The following CORO2B variants were observed in gnomAD, a reference collection of about 807,000 sequenced individuals.
The protein encoded by CORO2B is coronin 2B, also known as coronin-2B.
A neutral mutation model predicts 58.8 loss-of-function variants in CORO2B; 26 were observed. The ratio of observed to expected loss-of-function variants is 0.44; its 90% CI spans 0.32 to 0.61. The LOEUF (loss-of-function observed/expected upper bound fraction) is 0.61, where lower values mean the gene tolerates loss of function less well. Ranked by LOEUF, CORO2B falls within the 20% of genes least tolerant of loss-of-function variation. The probability of loss-of-function intolerance (pLI) is 0.04; values close to 1 mark genes in which losing one functional copy is unlikely to be tolerated. For missense variants in CORO2B, 460 were observed against 645.1 expected, an observed-to-expected ratio of 0.71 and a Z score of 3.11; for synonymous variants, 242 against 253.8, an observed-to-expected ratio of 0.95 and a Z score of 0.44.
chr15:68,614,758 C>T (rs1466594529), intron 1 of CORO2B, among the ~76,000 whole-genome samples: 2 of 152,192 alleles, frequency 1.3e-5, no homozygotes, highest in African/African-American at 4.8e-5. Flanking sequence ...GGTTCCAGGG[C>T]TGCAGCGGGC....
At chr15:68,578,390 G>C (rs1899328568), upstream of CORO2B, among the ~76,000 whole-genome samples, 1 of 152,212 alleles carries the variant, frequency 6.6e-6, no homozygotes, top group Non-Finnish European at 1.5e-5. This position sits in a 1 kb window ranked among gnomAD's most constrained non-coding sequence, Gnocchi z 4.2. Flanking sequence ...CTGATCGTCA[G>C]TTTCCTCCTC....
intron 1 of CORO2B, among the ~76,000 whole-genome samples, chr15:68,599,185 C>G: frequency 6.6e-6 from 1 of 152,208 alleles, no homozygotes; most frequent in African/African-American, 2.4e-5. Flanking sequence ...TTCCTGCTTT[C>G]AAAGCCCAAA....
At chr15:68,549,615 G>T in the CORO2B span, among the ~76,000 whole-genome samples, 3 of 152,170 alleles carry the variant, frequency 2.0e-5, no homozygotes, top group Non-Finnish European at 2.9e-5. Context: ...TGGAAGCTGG[G>T]TCACTACATT....
chr15:68,573,484 G>A, the CORO2B span, among the ~76,000 whole-genome samples: 1 of 152,158 alleles, frequency 6.6e-6, no homozygotes, highest in East Asian at 1.9e-4. Flanking sequence ...AGGCCAGAGA[G>A]CAGGGAAGGG....
intron 1 of CORO2B, among the ~76,000 whole-genome samples, chr15:68,602,783 G>A (rs1478007054): frequency 6.6e-6 from 1 of 152,212 alleles, no homozygotes; most frequent in Admixed American, 6.5e-5. Context: ...CTTTCTTCCT[G>A]AGAACACTAA....
Position 68,612,666 on chromosome 15 carries a change from C to G in CORO2B, c.16-32494C>G, listed in dbSNP as rs76423893. 1.6e-4 allele frequency among the ~76,000 whole-genome samples: 24 copies of G among 152,344 alleles called. 1 individual carries two copies. The highest frequency in any genetic ancestry group is 5.8e-4 in the African/African-American group (24 of 41,588). The stretch of plus-strand genomic sequence containing the variant: ...AGGCAATCTGAGTTCACACCTTGGT[C>G]TGCTGATGATAACTTGCTCTCTAAC... On this transcript the variant is annotated intron_variant, in intron 1 of 11. Transcript: ENST00000261861.
chr15:68,562,775 A>G, the CORO2B span, among the ~76,000 whole-genome samples: 11 of 151,588 alleles, frequency 7.3e-5, no homozygotes, highest in South Asian at 2.3e-3. Context: ...AGGAGATCGA[A>G]ACCATCCTGG....
rs1892465727 is a variant in CORO2B at position 68,694,602 on chromosome 15, CAG to C, written c.217-534_217-533del. 2.6e-5 allele frequency among the ~76,000 whole-genome samples: 4 copies of C among 152,170 alleles called. No homozygotes were observed. In the South Asian group the frequency reaches 8.3e-4, roughly 32 times the overall value. On this transcript the variant is annotated intron_variant, in intron 2 of 11. Coordinates refer to ENST00000261861, the MANE Select transcript of CORO2B (RefSeq NM_006091.5). Reference sequence around the variant, plus strand: ...TCGTGTAAGAGTATATAGGTGGACCCAGAGATTCAGACCTCTCTGCTGACTCC... The same window carrying C: ...TCGTGTAAGAGTATATAGGTGGACCCAGATTCAGACCTCTCTGCTGACTCC...
the CORO2B span, among the ~76,000 whole-genome samples, chr15:68,548,168 C>CT: frequency 9.2e-6 from 1 of 108,848 alleles, no homozygotes; most frequent in Non-Finnish European, 1.9e-5. Flanking sequence ...AGGATTCCAT[C>CT]TTAAAAATAT....
chr15:68,623,672 C>T (rs1056616915), intron 1 of CORO2B, among the ~76,000 whole-genome samples: 1 of 152,200 alleles, frequency 6.6e-6, no homozygotes, highest in African/African-American at 2.4e-5. Context: ...GTCTCCATCC[C>T]AGCATCCAGG....
rs1006861316 is a variant in CORO2B, at chr15:68,626,535, A to G, written c.16-18625A>G. ...CCCTTTGAGGACAAGTGATGTGGAC[A>G]GAAGGGAGAAGCCAGGGGCTTGGCT... On this transcript the variant is annotated intron_variant, in intron 1 of 11. Transcript: ENST00000261861. Among the ~76,000 whole-genome samples the G allele has an allele frequency of 7.9e-5, 12 of 152,326 alleles. No homozygotes were observed. The East Asian group carries it at 2.1e-3, about 27-fold the overall frequency.
At chr15:68,599,040 G>T (rs889688173) in intron 1 of CORO2B, among the ~76,000 whole-genome samples, 7 of 152,174 alleles carry the variant, frequency 4.6e-5, no homozygotes, top group African/African-American at 1.7e-4. Flanking sequence ...CAAACCACTT[G>T]GCTGGGCATT....
intron 2 of CORO2B, among the ~76,000 whole-genome samples, chr15:68,683,344 G>A (rs1033807541): frequency 2.0e-5 from 3 of 152,178 alleles, no homozygotes; most frequent in Non-Finnish European, 2.9e-5. Flanking sequence ...CAGACCCCGC[G>A]TCCCCAGCAC....
chr15:68,654,882 G>T (rs1901754890), intron 2 of CORO2B, among the ~76,000 whole-genome samples: 1 of 152,226 alleles, frequency 6.6e-6, no homozygotes, highest in South Asian at 2.1e-4. Flanking sequence ...TGCTACTGTT[G>T]TCTGGCACAG....
intron 11 of CORO2B, among the ~76,000 whole-genome samples, chr15:68,723,145 A>G (rs1424300999): frequency 2.2e-5 from 3 of 133,800 alleles, no homozygotes; most frequent in Non-Finnish European, 4.7e-5. Flanking sequence ...TTTTTTAGAC[A>G]GAGTCTTGCT....
At chr15:68,524,284 A>G in the CORO2B span, among the ~76,000 whole-genome samples, 10 of 152,218 alleles carry the variant, frequency 6.6e-5, no homozygotes, top group Admixed American at 6.5e-4. Context: ...TTGGTCTGAC[A>G]CAAGTTACTT....
At chr15:68,575,577 G>GCCCCGCCC (rs1555409338), upstream of CORO2B, among the ~76,000 whole-genome samples, 2 of 38,752 alleles carry the variant, frequency 5.2e-5, no homozygotes, top group Non-Finnish European at 1.1e-4. Flanking sequence ...CTTGTGATCT[G>GCCCCGCCC]CCCCCGCCTC....
At chr15:68,711,748 A>G in intron 5 of CORO2B, 42 bp downstream of exon 5, 4 of 1,610,612 alleles carry the variant, frequency 2.5e-6, no homozygotes, top group Non-Finnish European at 3.4e-6. Flanking sequence ...GAAGGTATTG[A>G]GGGCTGGGGC....
Position 68,718,681 on chromosome 15 carries a change from A to G in CORO2B, c.968-17A>G. On this transcript the variant is annotated splice_polypyrimidine_tract_variant and intron_variant, in intron 8 of 11. Coordinates refer to ENST00000261861, the MANE Select transcript of CORO2B (RefSeq NM_006091.5). The stretch of plus-strand genomic sequence containing the variant: ...AGTTTCTGGGACCCCATGGAGCCAC[A>G]TGTGTGCCTGTTACAGGGGTCATGC... The G allele has an allele frequency of 1.9e-6, 3 of 1,609,106 alleles. No individual in the cohort carries two copies. Among genetic ancestry groups the G allele is most frequent in the Non-Finnish European group, 2.6e-6 (3 of 1,175,812 alleles).
Sources: allele counts gnomAD v4.1 joint callset (sites outside exome capture counted in the v4.1 genomes callset), GRCh38; gene constraint gnomAD v4.1.1; non-coding constraint Gnocchi (gnomAD v3.1); transcripts MANE v1.5; gene names NCBI Gene and HGNC (gene_info 2026-07-23, HGNC 2026-07-21).